Variants in SLC12A7 observed in about 807,000 individuals in gnomAD.
The protein encoded by SLC12A7 is solute carrier family 12 member 7.
Under a neutral mutation model 120.6 loss-of-function variants are expected in SLC12A7, and 100 were observed. The ratio of observed to expected loss-of-function variants is 0.83; its 90% confidence interval spans 0.71 to 0.98. The LOEUF (loss-of-function observed/expected upper bound fraction) is 0.98, where lower values mean the gene tolerates loss of function less well. Among genes scored for constraint, SLC12A7 ranks in the 50% least tolerant of loss-of-function variants. The pLI is 0.00. For synonymous variants in SLC12A7, 760 were observed against 678.0 expected, an observed-to-expected ratio of 1.12 and a Z score of -1.88; for missense variants, 1,373 against 1,548.1, an observed-to-expected ratio of 0.89 and a Z score of 1.90.
upstream of SLC12A7, among the ~76,000 whole-genome samples, chr5:1,115,479 C>A (rs1287346687): frequency 6.6e-6 from 1 of 152,174 alleles, no homozygotes; most frequent in African/African-American, 2.4e-5. Flanking sequence ...GTCCGCGGGT[C>A]CCCCCAGTCC....
At chr5:1,132,846 G>A in the SLC12A7 span, among the ~76,000 whole-genome samples, 2 of 152,192 alleles carry the variant, frequency 1.3e-5, no homozygotes, top group African/African-American at 4.8e-5. Flanking sequence ...ACGGGCACTC[G>A]GCCCAGCACA....
rs1020395594 is a variant in SLC12A7, at chr5:1,101,989, G to C, written c.125-7741C>G. On this transcript the variant is annotated intron_variant, in intron 1 of 23. Transcript: ENST00000264930. ...CCCCCCAGCCACAGAGGCAACCTCC[G>C]GTCTGTTTTTCACTCTAGGTTAGTT... Among the ~76,000 whole-genome samples the C allele has an allele frequency of 2.6e-5, 4 of 152,264 alleles. No individual in the cohort carries two copies. In the East Asian group the frequency reaches 7.7e-4, roughly 29 times the overall value.
the SLC12A7 span, among the ~76,000 whole-genome samples, chr5:1,151,638 G>A: frequency 2.6e-5 from 4 of 151,076 alleles, no homozygotes; most frequent in South Asian, 4.2e-4. The surrounding 1 kb of genome is among the most constrained non-coding windows in gnomAD (Gnocchi z 6.2). Context: ...AGAAGGGTCC[G>A]ACAGGCTGAG....
intron 21 of SLC12A7, among the ~76,000 whole-genome samples, chr5:1,058,444 G>C (rs1009508176): frequency 1.3e-5 from 2 of 152,218 alleles, no homozygotes; most frequent in African/African-American, 4.8e-5. Context: ...GCACACACTG[G>C]AATGGCCACC....
chr5:1,053,666 T>A (rs540293526), intron 22 of SLC12A7, among the ~76,000 whole-genome samples, 184 bp from the exon 23 acceptor site: 1 of 152,332 alleles, frequency 6.6e-6, no homozygotes, highest in African/African-American at 2.4e-5. Context: ...AGGCGCTGAC[T>A]GCAGCCAGGG....
rs140710147 is a variant in SLC12A7 at position 1,056,414 on chromosome 5, C to T, written c.3026+1057G>A. 6.2e-3 allele frequency among the ~76,000 whole-genome samples: 950 copies of T among 152,258 alleles called. 9 individuals are homozygous for T. The highest frequency in any genetic ancestry group is 0.031 in the Middle Eastern group (9 of 294). Reference sequence around the variant, plus strand: ...GGCAACAGGAAACTGACGTGGGAGCCGCAGCAGCTCTGGGTGAGCTCTGGC... The same window carrying T: ...GGCAACAGGAAACTGACGTGGGAGCTGCAGCAGCTCTGGGTGAGCTCTGGC... On this transcript the variant is annotated intron_variant, in intron 22 of 23. Transcript: ENST00000264930.
At chr5:1,096,677 A>G (rs1374461038) in intron 1 of SLC12A7, among the ~76,000 whole-genome samples, 7 of 110,126 alleles carry the variant, frequency 6.4e-5, no homozygotes, top group African/African-American at 1.2e-4. Flanking sequence ...GGGAAGGAAG[A>G]AAGGAGGGAG....
rs561146764 is a variant in SLC12A7 at position 1,056,763 on chromosome 5, C to T, written c.3026+708G>A. On this transcript the variant is annotated intron_variant, in intron 22 of 23. Coordinates refer to ENST00000264930, the MANE Select transcript of SLC12A7 (RefSeq NM_006598.3). ...TGGCTTTAGGGTCTGGCTCTGACCCCGGGTGAGAGGTGTCTCTTGCGCTCT... is the reference window on the plus strand; with the variant it reads ...TGGCTTTAGGGTCTGGCTCTGACCCTGGGTGAGAGGTGTCTCTTGCGCTCT... Among the ~76,000 whole-genome samples the T allele has an allele frequency of 2.2e-4, 33 of 152,280 alleles. 1 individual carries two copies. The South Asian group carries it at 5.8e-3, about 27-fold the overall frequency.
Position 1,111,946 on chromosome 5 carries a change from C to T in SLC12A7, c.46G>A (p.Gly16Ser). The change falls in exon 1 of 24, where the codon GGC (glycine) becomes AGC (serine). Residue 16 changes from glycine (G) to serine (S), a missense_variant. By Grantham distance (56) the Gly-to-Ser change is moderately conservative (BLOSUM62 0). Transcript: ENST00000264930. ...CGCTCGGCAGTCTCGTCCCCGCCGC[C>T]GTCGGCGTGAGCCTCCACGGGCACC... is the stretch of plus-strand genomic sequence containing the variant. ...TVVPVEAHAD[G>S]GGDETAERTE... 7.7e-7 allele frequency: 1 copy of T among 1,295,672 alleles called. No homozygotes were observed. Among genetic ancestry groups the T allele is most frequent in the Non-Finnish European group, 9.8e-7 (1 of 1,021,594 alleles). The allele number at this position is 1,295,672 out of a possible 1,614,324, so 80.3% of individuals were successfully genotyped here.
At position 1,057,584 on chromosome 5, in the gene SLC12A7, C is replaced by A; in HGVS notation, c.2913G>T (p.Pro971=). The part of the protein sequence containing the change: ...HTAAAARTQA[P]PTPDKVQMTW... ...TCATCTGCACCTTGTCTGGCGTAGG[C>A]GGCGCTTGGGTCCTGGCTGCCGCCG... The change falls in exon 22 of 24, where the codon CCG becomes CCT. Residue 971 remains proline, a synonymous_variant. Transcript: ENST00000264930. The A allele has an allele frequency of 6.2e-7, 1 of 1,611,456 alleles. No homozygotes were observed. The highest frequency in any genetic ancestry group is 8.5e-7 in the Non-Finnish European group (1 of 1,179,938).
Position 1,057,571 on chromosome 5 carries a change from T to C in SLC12A7, c.2926A>G (p.Lys976Glu), listed in dbSNP as rs757873570. 6.2e-6 allele frequency: 10 copies of C among 1,612,494 alleles called. No individual in the cohort carries two copies. In the South Asian group the frequency reaches 7.7e-5, roughly 12 times the overall value. The change falls in exon 22 of 24, where the codon AAG becomes GAG. Residue 976 changes from lysine to glutamate, a missense_variant. Transcript: ENST00000264930. ...TCCCTGGTCCAGGTCATCTGCACCT[T>C]GTCTGGCGTAGGCGGCGCTTGGGTC... ...ARTQAPPTPDKVQMTWTREKL... is the reference protein window; with the variant it reads ...ARTQAPPTPDEVQMTWTREKL...
chr5:1,052,302 C>T lies in SLC12A7; in HGVS notation c.*58G>A, dbSNP rs1406941985. The stretch of plus-strand genomic sequence containing the variant: ...CTGTTTCCCTGGGCCAAGCCCAGGC[C>T]CAGGCTGCCCACGCCGTCCTCCGTG... On this transcript the variant is annotated 3_prime_UTR_variant, in exon 24 of 24. Transcript: ENST00000264930. 2 of 1,441,510 alleles carry T rather than the reference C, an allele frequency of 1.4e-6. No homozygotes were observed. Among genetic ancestry groups the T allele is most frequent in the African/African-American group, 2.8e-5 (2 of 71,536 alleles). 89.3% of individuals were successfully genotyped at this position (1,441,510 alleles called of 1,614,324 possible).
intron 9 of SLC12A7, among the ~76,000 whole-genome samples, chr5:1,080,155 C>G (rs1280705967): frequency 3.3e-5 from 5 of 151,776 alleles, no homozygotes; most frequent in African/African-American, 1.2e-4. Flanking sequence ...GGCTCTGCCC[C>G]CACGCCCTCC....
upstream of SLC12A7, among the ~76,000 whole-genome samples, chr5:1,114,816 G>A (rs1304952610): frequency 2.0e-5 from 3 of 152,158 alleles, no homozygotes; most frequent in Non-Finnish European, 2.9e-5. Context: ...GTCCGCAGTC[G>A]TTGGTGCTTG....
At position 1,079,701 on chromosome 5, in the gene SLC12A7, C is replaced by T. The variant is rs561032454; in HGVS notation, c.1298-205G>A. Among the ~76,000 whole-genome samples the T allele has an allele frequency of 5.9e-5, 9 of 152,310 alleles. No homozygotes were observed. The South Asian group carries it at 1.2e-3, about 21-fold the overall frequency. On this transcript the variant is annotated intron_variant, in intron 9 of 23. Coordinates refer to ENST00000264930, the MANE Select transcript of SLC12A7 (RefSeq NM_006598.3). ...GCCCAGGCACGCGGATGAGCACCCACGTCTACTGCTCCCCTGGATCCGAGG... is the reference window on the plus strand; with the variant it reads ...GCCCAGGCACGCGGATGAGCACCCATGTCTACTGCTCCCCTGGATCCGAGG...
upstream of SLC12A7, among the ~76,000 whole-genome samples, chr5:1,112,817 G>A (rs946871460): frequency 6.7e-6 from 1 of 149,714 alleles, no homozygotes; most frequent in African/African-American, 2.5e-5. Context: ...TGGGGGTGGG[G>A]TACTCCGGAG....
At chr5:1,117,331 C>T in the SLC12A7 span, among the ~76,000 whole-genome samples, 173 of 152,182 alleles carry the variant, frequency 1.1e-3, 1 homozygote, top group Non-Finnish European at 1.9e-3. The surrounding 1 kb of genome is among the most constrained non-coding windows in gnomAD (Gnocchi z 4.5). Flanking sequence ...GGAAGGGTTC[C>T]GACCTGACTC....
chr5:1,081,329 T>C (rs944473529), intron 9 of SLC12A7, among the ~76,000 whole-genome samples: 89 of 151,880 alleles, frequency 5.9e-4, no homozygotes, highest in Non-Finnish European at 1.8e-4. Context: ...CGTGGTACCG[T>C]GTGCCTGGGG....
chr5:1,078,968 G>A (rs889587838), intron 10 of SLC12A7, among the ~76,000 whole-genome samples: 6 of 152,118 alleles, frequency 3.9e-5, no homozygotes, highest in East Asian at 1.9e-4. Flanking sequence ...TCTGTCCAGC[G>A]CCACAGAACG....
Sources: allele counts gnomAD v4.1 joint callset (sites outside exome capture counted in the v4.1 genomes callset), GRCh38; gene constraint gnomAD v4.1.1; non-coding constraint Gnocchi (gnomAD v3.1); transcripts MANE v1.5; gene names NCBI Gene and HGNC (gene_info 2026-07-23, HGNC 2026-07-21).